Variants in XRCC5 observed in about 807,000 individuals in gnomAD.
XRCC5 encodes the protein DNA repair protein Ku80.
A neutral mutation model predicts 95.7 loss-of-function variants in XRCC5; 12 were observed. That is an observed-to-expected ratio of 0.13 (90% CI 0.08 to 0.20). The LOEUF is 0.20. XRCC5 is among the 10% of genes least tolerant of loss of function. XRCC5 has a pLI of 1.00. For missense variants in XRCC5, 595 were observed against 873.9 expected, an observed-to-expected ratio of 0.68 and a Z score of 4.02; for synonymous variants, 281 against 290.3, an observed-to-expected ratio of 0.97 and a Z score of 0.33.
chr2:216,171,786 A>C (rs1689170751), intron 16 of XRCC5, among the ~76,000 whole-genome samples: 1 of 152,246 alleles, frequency 6.6e-6, no homozygotes, highest in Non-Finnish European at 1.5e-5. Context: ...TGATAGAAAC[A>C]TCTAGTTTCT....
chr2:216,198,576 G>T (rs1379643276), intron 19 of XRCC5, among the ~76,000 whole-genome samples: 56 of 142,022 alleles, frequency 3.9e-4, no homozygotes, highest in African/African-American at 1.3e-3. Context: ...TTTATTTAGA[G>T]ACAGAGTCTC....
chr2:216,191,536 G>A (rs1442033796), intron 17 of XRCC5, among the ~76,000 whole-genome samples: 14 of 151,280 alleles, frequency 9.3e-5, no homozygotes, highest in South Asian at 2.1e-4. Context: ...TCAGCCTCCC[G>A]AGTAGCTGGC....
chr2:216,203,559 C>T (rs919915991), intron 19 of XRCC5, among the ~76,000 whole-genome samples: 5 of 152,222 alleles, frequency 3.3e-5, no homozygotes, highest in Admixed American at 3.3e-4. Flanking sequence ...CTTTTAAAAT[C>T]TGAGTGTCAT....
intron 16 of XRCC5, among the ~76,000 whole-genome samples, chr2:216,168,116 GC>G (rs1235848846): frequency 6.6e-6 from 1 of 152,206 alleles, no homozygotes; most frequent in African/African-American, 2.4e-5. Flanking sequence ...GAGAATACTT[GC>G]TGAAAGGGTG....
intron 13 of XRCC5, among the ~76,000 whole-genome samples, chr2:216,142,472 CAA>C (rs1353481811): frequency 1.3e-5 from 2 of 152,152 alleles, no homozygotes; most frequent in South Asian, 2.1e-4. Flanking sequence ...GGGAAGTTGA[CAA>C]GAGAGCTGAC....
chr2:216,131,087 T>A, intron 9 of XRCC5, 100 bp downstream of exon 9: 1 of 1,424,568 alleles, frequency 7.0e-7, no homozygotes, highest in Non-Finnish European at 9.4e-7. Context: ...TTTATTTCAC[T>A]TTTAATTTTT....
intron 6 of XRCC5, among the ~76,000 whole-genome samples, chr2:216,124,107 A>C (rs1696867144): frequency 6.6e-6 from 1 of 152,218 alleles, no homozygotes; most frequent in Non-Finnish European, 1.5e-5. Context: ...TTGGGCTAGC[A>C]TGGTTAGAAA....
At chr2:216,183,312 T>A (rs1689425648) in intron 16 of XRCC5, among the ~76,000 whole-genome samples, 1 of 152,190 alleles carries the variant, frequency 6.6e-6, no homozygotes. Context: ...CTGGGGTTTT[T>A]AATTTAACAC....
intron 1 of XRCC5, 132 bp from the exon 2 acceptor site, chr2:216,112,884 G>T: frequency 1.5e-6 from 1 of 669,684 alleles, no homozygotes. Flanking sequence ...ACATTCTTAT[G>T]TAGAACACAT....
intron 19 of XRCC5, among the ~76,000 whole-genome samples, chr2:216,197,690 A>G (rs1200812315): frequency 6.6e-6 from 1 of 152,202 alleles, no homozygotes; most frequent in Non-Finnish European, 1.5e-5. Flanking sequence ...AGGAAATTCA[A>G]CATAAAATGT....
chr2:216,156,853 G>A lies in XRCC5; in HGVS notation c.1671-3215G>A, dbSNP rs1688853083. 5.5e-5 allele frequency: 21 copies of A among 379,716 alleles called. 1 individual carries two copies. The highest frequency in any genetic ancestry group is 4.6e-4 in the South Asian group (21 of 45,968). The allele number at this position is 379,716 out of a possible 1,614,324, so 23.5% of individuals were successfully genotyped here. ...CACCTGGCCAGACTGCCAGCAGTGG[G>A]TGCCGCAAATGCTGGGCTCGGTGCC... On this transcript the variant is annotated intron_variant, in intron 14 of 20. Coordinates refer to ENST00000392132, the MANE Select transcript of XRCC5 (RefSeq NM_021141.4).
In XRCC5 at chr2:216,109,431, G is replaced by A. The variant is rs778373745; in HGVS notation, c.-6G>A. 6.2e-7 allele frequency: 1 copy of A among 1,613,994 alleles called. No homozygotes were observed. Among genetic ancestry groups the A allele is most frequent in the Non-Finnish European group, 8.5e-7 (1 of 1,179,944 alleles). On this transcript the variant is annotated 5_prime_UTR_variant, in exon 1 of 21. Transcript: ENST00000392132. The stretch of plus-strand genomic sequence containing the variant: ...GAAGCGACCAAAGCGCCTGAGGACC[G>A]GCAACATGGTGCGGTCGGGGAATAA...
intron 5 of XRCC5, among the ~76,000 whole-genome samples, chr2:216,121,212 G>GTC (rs1696803378): frequency 6.6e-6 from 1 of 152,174 alleles, no homozygotes; most frequent in Admixed American, 6.5e-5. Context: ...CAAACCCTGT[G>GTC]TCTCACACTT....
intron 15 of XRCC5, among the ~76,000 whole-genome samples, chr2:216,160,893 T>C (rs909080260): frequency 1.3e-5 from 2 of 152,000 alleles, no homozygotes; most frequent in Non-Finnish European, 2.9e-5. Flanking sequence ...CTATTTTTCA[T>C]AGAGGTGGGG....
chr2:216,204,133 A>G (rs1178457298), intron 19 of XRCC5, 189 bp from the exon 20 acceptor site: 1 of 615,204 alleles, frequency 1.6e-6, no homozygotes, highest in African/African-American at 1.9e-5. Context: ...CTTGAACCTC[A>G]AAACTGGGCC....
intron 17 of XRCC5, among the ~76,000 whole-genome samples, chr2:216,190,739 G>GGAGT (rs1689599949): frequency 6.6e-6 from 1 of 152,144 alleles, no homozygotes; most frequent in African/African-American, 2.4e-5. Context: ...TATGAAGACA[G>GGAGT]GAGTAGGGAT....
intron 16 of XRCC5, chr2:216,175,944 G>C (rs1689265748): frequency 2.8e-6 from 1 of 356,554 alleles, no homozygotes; most frequent in Non-Finnish European, 5.4e-6. Flanking sequence ...GGATTCCTTT[G>C]GATCATGGCC....
At chr2:216,169,565 A>T (rs1317599303) in intron 16 of XRCC5, among the ~76,000 whole-genome samples, 2 of 152,218 alleles carry the variant, frequency 1.3e-5, no homozygotes, top group African/African-American at 4.8e-5. Context: ...TTAGCTGCTT[A>T]AGAAAAAGAA....
chr2:216,171,911 A>T (rs181457156), intron 16 of XRCC5, among the ~76,000 whole-genome samples: 33 of 152,366 alleles, frequency 2.2e-4, no homozygotes, highest in South Asian at 1.2e-3. Context: ...TATACTGGTA[A>T]GTATAATTTG....
Sources: allele counts gnomAD v4.1 joint callset (sites outside exome capture counted in the v4.1 genomes callset), GRCh38; gene constraint gnomAD v4.1.1; transcripts MANE v1.5; gene names NCBI Gene and HGNC (gene_info 2026-07-23, HGNC 2026-07-21).